The following PLXNA2 variants were observed in gnomAD, a reference collection of about 807,000 sequenced individuals.
PLXNA2 encodes the protein plexin-A2.
PLXNA2 carries 91 observed loss-of-function variants against 193.5 expected under a neutral mutation model. That is an observed-to-expected ratio of 0.47 (90% CI 0.40 to 0.56). The LOEUF is 0.56. Ranked by LOEUF, PLXNA2 falls within the 20% of genes least tolerant of loss-of-function variation. The pLI is 0.00. For missense variants in PLXNA2, 1,995 were observed against 2,503.2 expected, an observed-to-expected ratio of 0.80 and a Z score of 4.33; for synonymous variants, 997 against 1,027.3, an observed-to-expected ratio of 0.97 and a Z score of 0.56.
At chr1:208,191,725 G>A (rs1167586170) in intron 3 of PLXNA2, among the ~76,000 whole-genome samples, 1 of 152,216 alleles carries the variant, frequency 6.6e-6, no homozygotes, top group Admixed American at 6.5e-5. Context: ...TTGGCCCCAA[G>A]GCCTGGACTC....
chr1:208,115,288 T>C lies in PLXNA2; in HGVS notation c.1507-12041A>G, dbSNP rs559357418. Among the ~76,000 whole-genome samples, 162 of 152,356 alleles carry C rather than the reference T, an allele frequency of 1.1e-3. 5 individuals carry two copies. The South Asian group carries it at 0.032, about 30-fold the overall frequency. On this transcript the variant is annotated intron_variant, in intron 4 of 31. Transcript: ENST00000367033. ...GTGGTAGAAATACACCGGGCACATA[T>C]ACTTTGTGCATTTGCTTGTTTATTC...
chr1:208,032,708 G>C (rs763275863), intron 28 of PLXNA2, among the ~76,000 whole-genome samples: 1 of 152,214 alleles, frequency 6.6e-6, no homozygotes, highest in Non-Finnish European at 1.5e-5. Context: ...TTTGGGGGTA[G>C]CTGGGGTGGG....
chr1:208,185,333 C>T (rs1669960482), intron 3 of PLXNA2, among the ~76,000 whole-genome samples: 1 of 152,194 alleles, frequency 6.6e-6, no homozygotes, highest in Non-Finnish European at 1.5e-5. Flanking sequence ...GATCCTGGTG[C>T]CCTGCTCTTC....
chr1:208,043,304 T>C (rs1323760796), intron 20 of PLXNA2, 101 bp from the exon 21 acceptor site: 2 of 1,135,982 alleles, frequency 1.8e-6, no homozygotes, highest in South Asian at 1.4e-5. Context: ...GGACCTTTTG[T>C]AGAGACTCTG....
chr1:208,172,558 T>G (rs997481834), intron 3 of PLXNA2, among the ~76,000 whole-genome samples: 3 of 152,164 alleles, frequency 2.0e-5, no homozygotes, highest in African/African-American at 7.2e-5. Context: ...GCCGAGCACA[T>G]GCCCTGACAC....
chr1:208,210,524 G>T, intron 2 of PLXNA2, 62 bp from the exon 3 acceptor site: 3 of 1,429,668 alleles, frequency 2.1e-6, no homozygotes, highest in Non-Finnish European at 2.9e-6. Context: ...GTCTCTACAC[G>T]ACCCATATCC....
At chr1:208,176,070 T>C (rs1298149062) in intron 3 of PLXNA2, among the ~76,000 whole-genome samples, 1 of 152,182 alleles carries the variant, frequency 6.6e-6, no homozygotes, top group Non-Finnish European at 1.5e-5. Context: ...AAAGTCAGGT[T>C]TGAGTTAAGG....
rs1386894034 is a variant in PLXNA2 at position 208,024,961 on chromosome 1, T to G, written c.*2282A>C. The G allele has an allele frequency of 6.6e-6, 1 of 152,570 alleles. No individual in the cohort carries two copies. Among genetic ancestry groups the G allele is most frequent in the Non-Finnish European group, 1.5e-5 (1 of 68,048 alleles). 9.5% of individuals were successfully genotyped at this position (152,570 alleles called of 1,614,324 possible). On this transcript the variant is annotated 3_prime_UTR_variant, in exon 32 of 32. Coordinates refer to ENST00000367033, the MANE Select transcript of PLXNA2 (RefSeq NM_025179.4). ...TCTCCATAAATTATGGGCTCTGCGC[T>G]GATAAGCTTTGAGTGCTATGAAGAG...
In PLXNA2 at chr1:208,042,091, G is replaced by A. The variant is rs756171234; in HGVS notation, c.4286+7C>T. 6.2e-6 allele frequency: 10 copies of A among 1,612,922 alleles called. No homozygotes were observed. In the Admixed American group the frequency reaches 1.5e-4, roughly 24 times the overall value. Reference sequence around the variant, plus strand: ...CCACCCTCTCCACCCACTGCTGCGGGCCAGACCTCCGGAGTAGCAGCTTGG... The same window carrying A: ...CCACCCTCTCCACCCACTGCTGCGGACCAGACCTCCGGAGTAGCAGCTTGG... On this transcript the variant is annotated splice_region_variant and intron_variant, in intron 22 of 31. Coordinates refer to ENST00000367033, the MANE Select transcript of PLXNA2 (RefSeq NM_025179.4).
chr1:208,180,780 A>G (rs1465100291), intron 3 of PLXNA2, among the ~76,000 whole-genome samples: 2 of 152,196 alleles, frequency 1.3e-5, no homozygotes, highest in Non-Finnish European at 2.9e-5. Context: ...ATTCGCTGTC[A>G]TTGCCCCACA....
At chr1:208,237,429 G>A (rs1671900622) in intron 1 of PLXNA2, among the ~76,000 whole-genome samples, 4 of 152,168 alleles carry the variant, frequency 2.6e-5, no homozygotes. Flanking sequence ...AGCTCCAGAA[G>A]TACCAGAAAG....
At chr1:208,205,758 T>A (rs1670698326) in intron 3 of PLXNA2, among the ~76,000 whole-genome samples, 1 of 152,120 alleles carries the variant, frequency 6.6e-6, no homozygotes. Flanking sequence ...GCTCTCACCA[T>A]CACGGGACAG....
chr1:208,155,348 C>T (rs1477196304), intron 3 of PLXNA2, among the ~76,000 whole-genome samples: 1 of 152,168 alleles, frequency 6.6e-6, no homozygotes, highest in African/African-American at 2.4e-5. Flanking sequence ...CCTTCACCCA[C>T]AGAGAGAAGG....
Position 208,038,520 on chromosome 1 carries a change from G to T in PLXNA2, c.4661-46C>A. On this transcript the variant is annotated intron_variant, in intron 25 of 31. Transcript: ENST00000367033. The surrounding 1 kb of genome is among the most constrained non-coding windows in gnomAD (Gnocchi z 4.1). ...AGGGAGCGGCGTGAGAGGGATGAGG[G>T]CTGTGAGCCAGTGTCTCCCGATTGC... is the stretch of plus-strand genomic sequence containing the variant. The T allele has an allele frequency of 6.9e-7, 1 of 1,450,522 alleles. No homozygotes were observed. Among genetic ancestry groups the T allele is most frequent in the Non-Finnish European group, 9.7e-7 (1 of 1,031,052 alleles). The allele number at this position is 1,450,522 out of a possible 1,614,324, so 89.9% of individuals were successfully genotyped here.
chr1:208,050,442 A>G (rs1333449219), intron 17 of PLXNA2, among the ~76,000 whole-genome samples: 1 of 152,248 alleles, frequency 6.6e-6, no homozygotes, highest in Non-Finnish European at 1.5e-5. Flanking sequence ...ATAAAACAGG[A>G]GTCCTTTTGT....
intron 3 of PLXNA2, among the ~76,000 whole-genome samples, chr1:208,184,212 G>C (rs1453767516): frequency 6.6e-6 from 1 of 152,186 alleles, no homozygotes; most frequent in African/African-American, 2.4e-5. Context: ...GGTGGGTTGA[G>C]ACAGGGAGGA....
chr1:208,170,254 A>G (rs1190955036), intron 3 of PLXNA2, among the ~76,000 whole-genome samples: 3 of 152,224 alleles, frequency 2.0e-5, no homozygotes, highest in Non-Finnish European at 2.9e-5. Flanking sequence ...ATTTTACCTT[A>G]AAGAGACAGA....
chr1:208,220,912 G>A (rs1671307880), intron 1 of PLXNA2, among the ~76,000 whole-genome samples: 1 of 152,186 alleles, frequency 6.6e-6, no homozygotes, highest in African/African-American at 2.4e-5. Context: ...CTCAGTCTGG[G>A]AAGCATGTGG....
At chr1:208,032,813 C>T (rs1664544072) in intron 28 of PLXNA2, among the ~76,000 whole-genome samples, 1 of 152,130 alleles carries the variant, frequency 6.6e-6, no homozygotes, top group African/African-American at 2.4e-5. Flanking sequence ...GATAGAAAGG[C>T]CAGCATATCT....
Sources: gnomAD v4.1 joint callset for allele counts (sites outside exome capture counted in the v4.1 genomes callset) on GRCh38, gnomAD v4.1.1 for gene constraint, Gnocchi (gnomAD v3.1) non-coding constraint, MANE v1.5 for transcripts, NCBI Gene and HGNC (gene_info 2026-07-23, HGNC 2026-07-21) for gene names.